Variants in DNASE2B observed in about 807,000 individuals in gnomAD.
The protein encoded by DNASE2B is deoxyribonuclease 2 beta.
DNASE2B carries 43 observed loss-of-function variants against 46.0 expected under a neutral mutation model. The observed-to-expected ratio is 0.94, with a 90% CI of 0.73 to 1.21. The LOEUF (loss-of-function observed/expected upper bound fraction) is 1.21. Among genes scored for constraint, DNASE2B ranks in the 50% most tolerant of loss-of-function variants. The pLI is 0.00. For missense variants in DNASE2B, 395 were observed against 414.4 expected (o/e 0.95, Z 0.41); for synonymous variants, 156 against 152.5 (o/e 1.02, Z -0.17).
In DNASE2B at chr1:84,414,464, T is replaced by C. The variant is rs1250345793; in HGVS notation, c.746-64T>C. ...GAAAGATGATTTCCATTCCAGAGTA[T>C]ATTTTCAGGGACTAATCTAAGTGTA... On this transcript the variant is annotated intron_variant, in intron 5 of 5. Coordinates refer to ENST00000370665, the MANE Select transcript of DNASE2B (RefSeq NM_021233.3). The C allele has an allele frequency of 4.3e-6, 6 of 1,381,440 alleles. No homozygotes were observed. The East Asian group carries it at 1.2e-4, about 27-fold the overall frequency. 85.6% of individuals were successfully genotyped at this position (1,381,440 alleles called of 1,614,324 possible).
intron 4 of DNASE2B, among the ~76,000 whole-genome samples, 156 bp downstream of exon 4, chr1:84,411,155 A>G (rs1680585180): frequency 6.6e-6 from 1 of 152,182 alleles, no homozygotes; most frequent in African/African-American, 2.4e-5. Context: ...GGTCTTGGGC[A>G]GGCTCGCTTA....
rs1404659435 is a variant in DNASE2B at position 84,414,670 on chromosome 1, C to T, written c.888C>T (p.His296=). 2 of 1,614,176 alleles carry T rather than the reference C, an allele frequency of 1.2e-6. No individual in the cohort carries two copies. Among genetic ancestry groups the T allele is most frequent in the East Asian group, 2.2e-5 (1 of 44,878 alleles). ...YNIKAIKLSR[H]SYFSSYQDHA... is the part of the protein sequence containing the mutation. ...TAAAAGCAATTAAATTATCACGACACTCTTATTTCAGTTCTTATCAAGATC... is the reference window on the plus strand; with the variant it reads ...TAAAAGCAATTAAATTATCACGACATTCTTATTTCAGTTCTTATCAAGATC... The change falls in exon 6 of 6, where the codon CAC becomes CAT. Residue 296 remains histidine (H), a synonymous_variant. Transcript: ENST00000370665.
chr1:84,412,318 C>T, intron 4 of DNASE2B, 31 bp from the exon 5 acceptor site: 2 of 1,464,224 alleles, frequency 1.4e-6, no homozygotes, highest in Non-Finnish European at 1.8e-6. Flanking sequence ...TGTCTTAATT[C>T]TCAACTTTTC....
Position 84,401,973 on chromosome 1 carries a change from A to T in DNASE2B, c.198A>T (p.Leu66=), listed in dbSNP as rs1456432929. The T allele has an allele frequency of 6.2e-7, 1 of 1,605,912 alleles. No individual in the cohort carries two copies. The highest frequency in any genetic ancestry group is 2.2e-5 in the East Asian group (1 of 44,628). Reference sequence around the variant, plus strand: ...AGACTGGGTTAGAGTACCTGTACCTAGACTCTACAACTAGAAGCTGGAGGA... The same window carrying T: ...AGACTGGGTTAGAGTACCTGTACCTTGACTCTACAACTAGAAGCTGGAGGA... ...SGETGLEYLY[L]DSTTRSWRKS... is the part of the protein sequence containing the mutation. The change falls in exon 2 of 6, where the codon CTA becomes CTT. Residue 66 remains leucine, a synonymous_variant. Coordinates refer to ENST00000370665, the MANE Select transcript of DNASE2B (RefSeq NM_021233.3).
intron 1 of DNASE2B, among the ~76,000 whole-genome samples, chr1:84,399,801 T>C (rs535280899): frequency 7.3e-5 from 11 of 151,478 alleles, no homozygotes; most frequent in African/African-American, 2.2e-4. Flanking sequence ...AGGTTTGAAC[T>C]TGACATTGAA....
chr1:84,399,123 C>T (rs140462701), intron 1 of DNASE2B, among the ~76,000 whole-genome samples: 12 of 152,292 alleles, frequency 7.9e-5, no homozygotes, highest in African/African-American at 2.9e-4. Context: ...AGAAGGGGGA[C>T]CTGGTCACAC....
chr1:84,410,569 G>A (rs1448021728), intron 3 of DNASE2B, among the ~76,000 whole-genome samples: 1 of 152,144 alleles, frequency 6.6e-6, no homozygotes, highest in African/African-American at 2.4e-5. Context: ...AATTTTCCTT[G>A]TGATTTCAAA....
At chr1:84,398,899 C>T (rs929093572) in intron 1 of DNASE2B, among the ~76,000 whole-genome samples, 2 of 152,210 alleles carry the variant, frequency 1.3e-5, no homozygotes, top group Admixed American at 1.3e-4. Flanking sequence ...TGAGCAGCCC[C>T]TCTTGGGCCT....
At position 84,414,697 on chromosome 1, in the gene DNASE2B, T is replaced by C. The variant is rs3768250; in HGVS notation, c.915T>C (p.His305=). ...CTTATTTCAGTTCTTATCAAGATCATGCCAAGTGGTGTATTTCCCAAAAGG... is the reference window on the plus strand; with the variant it reads ...CTTATTTCAGTTCTTATCAAGATCACGCCAAGTGGTGTATTTCCCAAAAGG... The part of the protein sequence containing the change: ...RHSYFSSYQD[H]AKWCISQKGT... The change falls in exon 6 of 6, where the codon CAT becomes CAC. Residue 305 remains histidine (H), a synonymous_variant. Transcript: ENST00000370665. 548,944 of 1,613,858 alleles carry C rather than the reference T, an allele frequency of 0.34. 94,739 individuals are homozygous for C. Among genetic ancestry groups the C allele is most frequent in the East Asian group, 0.46 (20,488 of 44,870 alleles).
chr1:84,406,954 G>A lies in DNASE2B; in HGVS notation c.304-1483G>A, dbSNP rs148886708. 2.0e-3 allele frequency among the ~76,000 whole-genome samples: 303 copies of A among 152,204 alleles called. 4 individuals are homozygous for A. The highest frequency in any genetic ancestry group is 0.012 in the Admixed American group (180 of 15,276). On this transcript the variant is annotated intron_variant, in intron 2 of 5. Coordinates refer to ENST00000370665, the MANE Select transcript of DNASE2B (RefSeq NM_021233.3). Reference sequence around the variant, plus strand: ...TCATAAACATTTATCAAACTATATTGCCTGCACTTGTGTGACTATATTTTC... The same window carrying A: ...TCATAAACATTTATCAAACTATATTACCTGCACTTGTGTGACTATATTTTC...
chr1:84,409,019 T>C (rs1220950091), intron 3 of DNASE2B, among the ~76,000 whole-genome samples: 1 of 152,058 alleles, frequency 6.6e-6, no homozygotes, highest in African/African-American at 2.4e-5. Flanking sequence ...ATTTTTATCA[T>C]GTTATTTACA....
In DNASE2B at chr1:84,401,964, C is replaced by T; in HGVS notation, c.189C>T (p.Tyr63=). The change falls in exon 2 of 6, where the codon TAC becomes TAT. Residue 63 remains tyrosine (Y), a synonymous_variant. Coordinates refer to ENST00000370665, the MANE Select transcript of DNASE2B (RefSeq NM_021233.3). ...NKESGETGLE[Y]LYLDSTTRSW... ...AAAGTGGAGAGACTGGGTTAGAGTA[C>T]CTGTACCTAGACTCTACAACTAGAA... is the stretch of plus-strand genomic sequence containing the variant. The T allele has an allele frequency of 1.3e-6, 2 of 1,598,184 alleles. No individual in the cohort carries two copies. The highest frequency in any genetic ancestry group is 1.3e-5 in the African/African-American group (1 of 74,246).
chr1:84,398,651 A>G lies in DNASE2B; in HGVS notation c.87A>G (p.Thr29=). 1 of 1,613,902 alleles carries G rather than the reference A, an allele frequency of 6.2e-7. No homozygotes were observed. Among genetic ancestry groups the G allele is most frequent in the Non-Finnish European group, 8.5e-7 (1 of 1,179,814 alleles). The change falls in exon 1 of 6, where the codon ACA becomes ACG. Residue 29 remains threonine, a synonymous_variant. Coordinates refer to ENST00000370665, the MANE Select transcript of DNASE2B (RefSeq NM_021233.3). ...TCTTTGGGGTGCTGGGGGCAGCAAC[A>G]ATTTCATGCAGAAATGAAGAAGGGA... The part of the protein sequence containing the change: ...LGLFGVLGAA[T]ISCRNEEGKA...
intron 4 of DNASE2B, among the ~76,000 whole-genome samples, chr1:84,411,668 G>T (rs551854561): frequency 6.6e-6 from 1 of 152,290 alleles, no homozygotes; most frequent in Admixed American, 6.5e-5. Flanking sequence ...ACTGTGGTGG[G>T]AAAGGAGAAG....
rs1348969415 is a variant in DNASE2B, at chr1:84,411,018, A to C, written c.547+19A>C. The C allele has an allele frequency of 9.7e-6, 15 of 1,545,912 alleles. No individual in the cohort carries two copies. The East Asian group carries it at 3.5e-4, about 36-fold the overall frequency. ...GCAATAGGTAAAACTAAAGTATGTG[A>C]GAAAAAAAACGATAACTATGTTGAA... On this transcript the variant is annotated intron_variant, in intron 4 of 5. Coordinates refer to ENST00000370665, the MANE Select transcript of DNASE2B (RefSeq NM_021233.3).
intron 5 of DNASE2B, among the ~76,000 whole-genome samples, chr1:84,413,305 T>G (rs1161750382): frequency 6.6e-6 from 1 of 152,194 alleles, no homozygotes; most frequent in Non-Finnish European, 1.5e-5. Context: ...CTTGAATCTC[T>G]CCCCAGTCAC....
chr1:84,401,141 G>A (rs1232985959), intron 1 of DNASE2B, among the ~76,000 whole-genome samples: 1 of 152,196 alleles, frequency 6.6e-6, no homozygotes, highest in East Asian at 1.9e-4. Flanking sequence ...TTTGCCCTCA[G>A]AGGATTTTTG....
At position 84,400,774 on chromosome 1, in the gene DNASE2B, G is replaced by A. The variant is rs762563627; in HGVS notation, c.126-1127G>A. Among the ~76,000 whole-genome samples the A allele has an allele frequency of 5.9e-5, 9 of 152,210 alleles. 1 individual carries two copies. The highest frequency in any genetic ancestry group is 1.3e-4 in the Non-Finnish European group (9 of 68,048). ...GTGAATGGACATATTACTTAGCAAT[G>A]TCTGTTAGAGAGAATATAAGCAACT... On this transcript the variant is annotated intron_variant, in intron 1 of 5. Transcript: ENST00000370665.
chr1:84,398,792 T>A, intron 1 of DNASE2B, 103 bp downstream of exon 1: 1 of 1,488,518 alleles, frequency 6.7e-7, no homozygotes, highest in Non-Finnish European at 9.1e-7. Flanking sequence ...TTCTCTTTCC[T>A]CCCTTTACAA....
Sources: allele counts gnomAD v4.1 joint callset (sites outside exome capture counted in the v4.1 genomes callset), GRCh38; gene constraint gnomAD v4.1.1; transcripts MANE v1.5; gene names NCBI Gene and HGNC (gene_info 2026-07-23, HGNC 2026-07-21).